Variants in NEGR1 observed in about 807,000 individuals in gnomAD.
The protein encoded by NEGR1 is neuronal growth regulator 1.
A neutral mutation model predicts 40.9 loss-of-function variants in NEGR1; 10 were observed. That is an observed-to-expected ratio of 0.24 (90% CI 0.15 to 0.42). The LOEUF (loss-of-function observed/expected upper bound fraction) is 0.42, where lower values mean the gene tolerates loss of function less well. Ranked by LOEUF, NEGR1 falls within the 10% of genes least tolerant of loss-of-function variation. NEGR1 has a pLI of 1.00. For missense variants in NEGR1, 352 were observed against 438.9 expected (o/e 0.80, Z 1.77); for synonymous variants, 185 against 166.8 (o/e 1.11, Z -0.84).
At chr1:72,033,073 T>C (rs980889443) in intron 1 of NEGR1, among the ~76,000 whole-genome samples, 3 of 152,162 alleles carry the variant, frequency 2.0e-5, no homozygotes, top group Non-Finnish European at 4.4e-5. Context: ...AAATTGTTAC[T>C]CACAGAATCA....
chr1:72,195,548 G>T (rs1652970549), intron 1 of NEGR1, among the ~76,000 whole-genome samples: 1 of 150,916 alleles, frequency 6.6e-6, no homozygotes, highest in Non-Finnish European at 1.5e-5. Flanking sequence ...TTTTTTCTTA[G>T]ACATAAACAT....
At chr1:72,005,295 A>T (rs963510956) in intron 1 of NEGR1, among the ~76,000 whole-genome samples, 1 of 152,172 alleles carries the variant, frequency 6.6e-6, no homozygotes, top group Non-Finnish European at 1.5e-5. Flanking sequence ...TCTACCATCA[A>T]GCCCAAATAA....
chr1:71,626,216 AT>A (rs913027810), intron 4 of NEGR1, among the ~76,000 whole-genome samples: 4 of 151,842 alleles, frequency 2.6e-5, no homozygotes, highest in Non-Finnish European at 5.9e-5. Context: ...TTATTTATTT[AT>A]TTTTTTATTA....
chr1:71,461,547 G>A (rs890322943), intron 6 of NEGR1: 2 of 152,116 alleles, frequency 1.3e-5, no homozygotes, highest in African/African-American at 4.8e-5. Flanking sequence ...AAGTTCTCTT[G>A]GTATTTCCCA....
chr1:71,486,668 G>C (rs1569933993), intron 6 of NEGR1: 1 of 151,502 alleles, frequency 6.6e-6, no homozygotes. Context: ...GTCTGTTATA[G>C]GAGTCCTAAA....
intron 1 of NEGR1, among the ~76,000 whole-genome samples, chr1:72,049,406 G>A (rs560769601): frequency 2.0e-5 from 3 of 151,686 alleles, no homozygotes; most frequent in Admixed American, 6.6e-5. Flanking sequence ...ATCTGAGGAT[G>A]TTTATCCAAG....
At chr1:72,271,821 T>C (rs1345677479) in intron 1 of NEGR1, among the ~76,000 whole-genome samples, 2 of 151,816 alleles carry the variant, frequency 1.3e-5, no homozygotes, top group Non-Finnish European at 2.9e-5. Flanking sequence ...GTCTTTCCCA[T>C]GCTATTCTCA....
At chr1:71,679,758 C>T (rs1652768263) in intron 4 of NEGR1, among the ~76,000 whole-genome samples, 1 of 151,974 alleles carries the variant, frequency 6.6e-6, no homozygotes, top group South Asian at 2.1e-4. Flanking sequence ...AAGTCTTTTC[C>T]CTGATCTGAA....
intron 1 of NEGR1, among the ~76,000 whole-genome samples, chr1:72,104,396 G>T (rs903280934): frequency 6.6e-6 from 1 of 152,026 alleles, no homozygotes; most frequent in Non-Finnish European, 1.5e-5. Flanking sequence ...CCCAAATGAC[G>T]TGATTGCTGG....
intron 6 of NEGR1, among the ~76,000 whole-genome samples, chr1:71,438,545 ATTTT>A (rs1399450593): frequency 6.6e-6 from 1 of 152,056 alleles, no homozygotes; most frequent in Non-Finnish European, 1.5e-5. Flanking sequence ...GTGTTTTAGG[ATTTT>A]TTGTTTGTTT....
intron 2 of NEGR1, among the ~76,000 whole-genome samples, chr1:71,838,583 G>A (rs991823967): frequency 6.6e-6 from 1 of 152,074 alleles, no homozygotes; most frequent in Non-Finnish European, 1.5e-5. Flanking sequence ...CAGCTAAGTA[G>A]GAAATATAAA....
chr1:71,704,162 G>A (rs199662685), intron 3 of NEGR1, among the ~76,000 whole-genome samples: 1 of 93,696 alleles, frequency 1.1e-5, no homozygotes, highest in African/African-American at 4.6e-5. Flanking sequence ...CTCTCTCTCT[G>A]TCACACACAC....
intron 4 of NEGR1, among the ~76,000 whole-genome samples, chr1:71,616,865 C>T (rs972720104): frequency 8.5e-5 from 13 of 152,140 alleles, no homozygotes; most frequent in African/African-American, 3.1e-4. Context: ...CAAAAGAAAG[C>T]TGCATTTAAA....
intron 6 of NEGR1, among the ~76,000 whole-genome samples, chr1:71,437,025 C>T (rs1646514386): frequency 1.3e-5 from 2 of 151,902 alleles, no homozygotes; most frequent in East Asian, 3.9e-4. Context: ...CTTACCTATG[C>T]GTTCATAGAG....
rs528610998 is a variant in NEGR1, at chr1:72,196,421, C to T, written c.176+85898G>A. ...GTCTTAACTCATGCTAAAACGCTTA[C>T]TAAAATATGCACCTATTAGAACATT... On this transcript the variant is annotated intron_variant, in intron 1 of 6. Transcript: ENST00000357731. Among the ~76,000 whole-genome samples the T allele has an allele frequency of 1.1e-3, 163 of 152,140 alleles. 1 individual carries two copies. The highest frequency in any genetic ancestry group is 3.6e-3 in the African/African-American group (151 of 41,544).
chr1:72,198,600 C>A (rs901747476), intron 1 of NEGR1, among the ~76,000 whole-genome samples: 6 of 151,944 alleles, frequency 3.9e-5, no homozygotes, highest in Admixed American at 2.0e-4. Flanking sequence ...ATTTGATTGT[C>A]CTGATACTGT....
At chr1:71,819,196 C>G (rs747329753) in intron 2 of NEGR1, among the ~76,000 whole-genome samples, 2 of 151,868 alleles carry the variant, frequency 1.3e-5, no homozygotes, top group Non-Finnish European at 2.9e-5. Flanking sequence ...GCAACAAGCC[C>G]CACCATATGC....
At chr1:72,268,981 T>G (rs993098531) in intron 1 of NEGR1, among the ~76,000 whole-genome samples, 10 of 151,474 alleles carry the variant, frequency 6.6e-5, no homozygotes, top group Non-Finnish European at 1.3e-4. Flanking sequence ...ATCATAAAAT[T>G]TACACTTCTC....
At chr1:71,976,220 G>T (rs568320421) in intron 1 of NEGR1, among the ~76,000 whole-genome samples, 1 of 151,966 alleles carries the variant, frequency 6.6e-6, no homozygotes, top group Non-Finnish European at 1.5e-5. Flanking sequence ...TTTTGTTTTC[G>T]CTTCACTTCA....
Sources: allele counts gnomAD v4.1 joint callset (sites outside exome capture counted in the v4.1 genomes callset), GRCh38; gene constraint gnomAD v4.1.1; transcripts MANE v1.5; gene names NCBI Gene and HGNC (gene_info 2026-07-23, HGNC 2026-07-21).